Variants in SDK1 observed in about 807,000 individuals in gnomAD.
SDK1 encodes sidekick cell adhesion molecule 1.
SDK1 carries 157 observed loss-of-function variants against 245.5 expected under a neutral mutation model. The ratio of observed to expected loss-of-function variants is 0.64; its 90% CI spans 0.56 to 0.73. The LOEUF is 0.73. Among genes scored for constraint, SDK1 ranks in the 30% least tolerant of loss-of-function variants. The probability of loss-of-function intolerance (pLI) is 0.00; values close to 1 mark genes in which losing one functional copy is unlikely to be tolerated. For missense variants in SDK1, 3,583 were observed against 3,002.3 expected (o/e 1.19, Z -4.52); for synonymous variants, 1,647 against 1,278.5 (o/e 1.29, Z -6.15).
At chr7:3,888,594 A>C (rs1276184356) in intron 5 of SDK1, among the ~76,000 whole-genome samples, 1 of 152,248 alleles carries the variant, frequency 6.6e-6, no homozygotes, top group African/African-American at 2.4e-5. Context: ...TCATCACAGA[A>C]CAATAGCAAT....
intron 5 of SDK1, among the ~76,000 whole-genome samples, chr7:3,909,928 G>A (rs753518904): frequency 2.6e-5 from 4 of 152,126 alleles, no homozygotes; most frequent in East Asian, 1.9e-4. Context: ...TCTACACCCC[G>A]GGGAAGTGAA....
intron 1 of SDK1, among the ~76,000 whole-genome samples, chr7:3,423,971 G>A (rs1779603697): frequency 6.6e-6 from 1 of 151,312 alleles, no homozygotes; most frequent in Admixed American, 6.6e-5. Flanking sequence ...GAGTGCAGTG[G>A]TACAATCTTG....
intron 28 of SDK1, among the ~76,000 whole-genome samples, chr7:4,139,928 G>A (rs971715460): frequency 1.3e-5 from 2 of 152,072 alleles, no homozygotes; most frequent in Non-Finnish European, 2.9e-5. Context: ...CTGGTAATGG[G>A]GCAGGGCCCC....
At chr7:3,694,763 T>C (rs141774189) in intron 4 of SDK1, among the ~76,000 whole-genome samples, 99 of 152,302 alleles carry the variant, frequency 6.5e-4, no homozygotes, top group Middle Eastern at 3.4e-3. Flanking sequence ...CCTACGTTTT[T>C]ACAAACATCC....
At chr7:4,083,654 CCCCTCCCTTCT>C (rs1781219867) in intron 22 of SDK1, among the ~76,000 whole-genome samples, 5 of 19,372 alleles carry the variant, frequency 2.6e-4, no homozygotes, top group East Asian at 2.9e-3. Flanking sequence ...CCTTCCTCCA[CCCCTCCCTTCT>C]TTCCTCCCTC....
At chr7:4,176,874 C>T (rs899796530) in intron 34 of SDK1, among the ~76,000 whole-genome samples, 13 of 152,236 alleles carry the variant, frequency 8.5e-5, no homozygotes, top group African/African-American at 2.7e-4. Context: ...TTTCTCCACT[C>T]AGCCTCCCTT....
intron 5 of SDK1, among the ~76,000 whole-genome samples, chr7:3,829,668 A>G (rs1252134643): frequency 6.6e-6 from 1 of 152,188 alleles, no homozygotes; most frequent in Non-Finnish European, 1.5e-5. Context: ...AAGCCCAAGG[A>G]GAAGGCAAAA....
At chr7:3,728,340 C>G (rs1779076376) in intron 4 of SDK1, among the ~76,000 whole-genome samples, 1 of 152,186 alleles carries the variant, frequency 6.6e-6, no homozygotes, top group South Asian at 2.1e-4. Context: ...TAAATCTGAC[C>G]AACTTAGTGG....
At chr7:3,510,786 C>T (rs1274976053) in intron 1 of SDK1, among the ~76,000 whole-genome samples, 6 of 152,164 alleles carry the variant, frequency 3.9e-5, no homozygotes, top group African/African-American at 1.4e-4. Flanking sequence ...CTCCTACATC[C>T]AAGACAGGCC....
chr7:3,510,671 A>C (rs1244516671), intron 1 of SDK1, among the ~76,000 whole-genome samples: 1 of 152,142 alleles, frequency 6.6e-6, no homozygotes, highest in Non-Finnish European at 1.5e-5. Flanking sequence ...TGGCTAGCAA[A>C]GGTGGTCTTA....
intron 30 of SDK1, among the ~76,000 whole-genome samples, chr7:4,152,257 A>G (rs1178888531): frequency 6.6e-6 from 1 of 152,120 alleles, no homozygotes; most frequent in African/African-American, 2.4e-5. Flanking sequence ...ACAGCAACAG[A>G]ACTCGAGGGG....
At chr7:3,684,800 G>C (rs946215515) in intron 4 of SDK1, among the ~76,000 whole-genome samples, 1 of 151,742 alleles carries the variant, frequency 6.6e-6, no homozygotes, top group Non-Finnish European at 1.5e-5. Flanking sequence ...AGAAATAAAA[G>C]AGCCAATGGA....
intron 1 of SDK1, among the ~76,000 whole-genome samples, chr7:3,542,367 C>G (rs560551379): frequency 1.3e-5 from 2 of 152,168 alleles, no homozygotes; most frequent in South Asian, 2.1e-4. Flanking sequence ...CAGCCTGTGC[C>G]TTGTAGCGAT....
intron 5 of SDK1, among the ~76,000 whole-genome samples, chr7:3,842,188 G>T (rs186900224): frequency 1.3e-5 from 2 of 152,346 alleles, no homozygotes; most frequent in Admixed American, 6.5e-5. Context: ...AGTCCCTTCA[G>T]TGGGCAGAGA....
intron 4 of SDK1, among the ~76,000 whole-genome samples, chr7:3,807,443 T>G (rs1168146647): frequency 6.6e-6 from 1 of 152,070 alleles, no homozygotes; most frequent in Non-Finnish European, 1.5e-5. Context: ...GCCCAAAGAT[T>G]CAGAAAATCT....
At chr7:3,753,627 C>G (rs928637045) in intron 4 of SDK1, among the ~76,000 whole-genome samples, 1 of 152,176 alleles carries the variant, frequency 6.6e-6, no homozygotes, top group Non-Finnish European at 1.5e-5. Context: ...TACAACCAAG[C>G]CACGTTCTCC....
rs574784221 is a variant in SDK1 at position 4,227,296 on chromosome 7, G to A, written c.5827+5932G>A. The A allele has an allele frequency of 1.3e-3, 581 of 457,412 alleles. 12 individuals are homozygous for A. The highest frequency in any genetic ancestry group is 9.1e-3 in the South Asian group (562 of 62,002). 28.3% of individuals were successfully genotyped at this position (457,412 alleles called of 1,614,324 possible). A position where few individuals can be genotyped will look rare whatever the true frequency, so the allele number is the denominator to read the frequency against. On this transcript the variant is annotated intron_variant, in intron 40 of 44. Coordinates refer to ENST00000404826, the MANE Select transcript of SDK1 (RefSeq NM_152744.4). ...TAAGCTGCTTGTCTTTCTCATAAGC[G>A]TGTTTCTGACAGCTTGTCAGCCCGG...
At chr7:3,953,442 C>T (rs1276151232) in intron 7 of SDK1, among the ~76,000 whole-genome samples, 1 of 152,190 alleles carries the variant, frequency 6.6e-6, no homozygotes, top group Non-Finnish European at 1.5e-5. Flanking sequence ...TTGCTACCTT[C>T]CCCATCCATG....
chr7:3,400,238 C>G (rs536065054), intron 1 of SDK1, among the ~76,000 whole-genome samples: 1 of 152,218 alleles, frequency 6.6e-6, no homozygotes, highest in African/African-American at 2.4e-5. Flanking sequence ...TGCCATGAAC[C>G]AAGCCTTTCT....
Sources: gnomAD v4.1 joint callset for allele counts (sites outside exome capture counted in the v4.1 genomes callset) on GRCh38, gnomAD v4.1.1 for gene constraint, MANE v1.5 for transcripts, NCBI Gene and HGNC (gene_info 2026-07-23, HGNC 2026-07-21) for gene names.